PSG3: variants seen among roughly 807,000 people sequenced by gnomAD.
PSG3 encodes the protein pregnancy specific beta-1-glycoprotein 3.
PSG3 carries 61 observed loss-of-function variants against 47.5 expected under a neutral mutation model. That is an observed-to-expected ratio of 1.28 (90% CI 1.05 to 1.59). The LOEUF is 1.59. PSG3 is among the 40% of genes most tolerant of loss of function. The pLI is 0.00. For missense variants in PSG3, 756 were observed against 524.0 expected (o/e 1.44, Z -4.32); for synonymous variants, 263 against 198.4 (o/e 1.33, Z -2.74).
chr19:42,733,478 C>T (rs1969510927), intron 2 of PSG3: 1 of 206,728 alleles, frequency 4.8e-6, no homozygotes. Context: ...TGCAGCTTCC[C>T]TTGCCAAGGA....
At chr19:42,725,869 T>TCTC (rs1352426895) in intron 5 of PSG3, among the ~76,000 whole-genome samples, 7 of 122,290 alleles carry the variant, frequency 5.7e-5, no homozygotes, top group Admixed American at 5.5e-4. Flanking sequence ...AGCCTGTCTC[T>TCTC]CTCTCTTCAA....
intron 5 of PSG3, 110 bp from the exon 6 acceptor site, chr19:42,724,135 A>C: frequency 6.9e-7 from 1 of 1,446,730 alleles, no homozygotes; most frequent in South Asian, 1.3e-5. Flanking sequence ...TTCTTCAAGG[A>C]CTACGTTATT....
intron 6 of PSG3, among the ~76,000 whole-genome samples, 154 bp from the exon 7 acceptor site, chr19:42,722,244 T>C (rs1969310163): frequency 6.6e-6 from 1 of 152,214 alleles, no homozygotes; most frequent in Non-Finnish European, 1.5e-5. Flanking sequence ...ATTTTTAGAA[T>C]ACTCATTAAA....
intron 1 of PSG3, 51 bp downstream of exon 1, chr19:42,740,270 C>A (rs368890947): frequency 6.2e-6 from 10 of 1,613,584 alleles, no homozygotes; most frequent in African/African-American, 4.0e-5. Flanking sequence ...AGACCCCATC[C>A]AGTCACTCTG....
chr19:42,724,343 C>T (rs1600377957), intron 5 of PSG3, among the ~76,000 whole-genome samples: 2 of 152,158 alleles, frequency 1.3e-5, no homozygotes, highest in East Asian at 3.9e-4. Context: ...TTCATGGTTG[C>T]ATCTTTTTCT....
intron 3 of PSG3, among the ~76,000 whole-genome samples, chr19:42,730,573 A>G (rs1969457291): frequency 1.3e-5 from 2 of 152,242 alleles, no homozygotes; most frequent in Non-Finnish European, 2.9e-5. Flanking sequence ...ATGTTTCAGC[A>G]GAAATAACAC....
chr19:42,728,806 CA>C (rs1215296128), intron 5 of PSG3, among the ~76,000 whole-genome samples: 1 of 152,114 alleles, frequency 6.6e-6, no homozygotes, highest in Non-Finnish European at 1.5e-5. Flanking sequence ...GTGTTGGTGA[CA>C]GCAAGAAGCA....
In PSG3 at chr19:42,740,325, G is replaced by C; in HGVS notation, c.60C>G (p.Leu20=). ...TQRITWKGLL[L]TALLLNFWNL... ...CCCAGGAAGTTCTCTCCTCACCTGT[G>C]AGCAGGAGCCCCTTCCAGGTGATGC... Residue 20 remains leucine (L), a synonymous_variant, in exon 1 of 7, where the codon CTC becomes CTG. Coordinates refer to ENST00000327495, the MANE Select transcript of PSG3 (RefSeq NM_021016.4). The C allele has an allele frequency of 6.2e-7, 1 of 1,613,904 alleles. No homozygotes were observed. Among genetic ancestry groups the C allele is most frequent in the South Asian group, 1.1e-5 (1 of 91,066 alleles).
intron 1 of PSG3, chr19:42,739,483 C>G (rs544906636): frequency 4.9e-6 from 1 of 205,664 alleles, no homozygotes; most frequent in East Asian, 1.1e-4. Context: ...TGCTCTGCTC[C>G]CTCCAGGGTT....
chr19:42,732,748 G>A, intron 3 of PSG3, 36 bp downstream of exon 3: 2 of 1,614,162 alleles, frequency 1.2e-6, no homozygotes. Context: ...TATTTGGGAT[G>A]GCAGACTGGC....
Position 42,740,444 on chromosome 19 carries a change from T to A in PSG3, c.-60A>T. The A allele has an allele frequency of 1.2e-6, 2 of 1,613,570 alleles. No individual in the cohort carries two copies. Among genetic ancestry groups the A allele is most frequent in the Admixed American group, 1.7e-5 (1 of 59,986 alleles). ...CTGAGCCTAGGATCCAGAAACTTCC[T>A]GAGCATGGCTCTCAGCTGTGCTGTC... On this transcript the variant is annotated 5_prime_UTR_variant, in exon 1 of 7. Transcript: ENST00000327495.
At chr19:42,730,732 A>G (rs1272097498) in intron 3 of PSG3, among the ~76,000 whole-genome samples, 3 of 152,240 alleles carry the variant, frequency 2.0e-5, no homozygotes, top group East Asian at 3.9e-4. Flanking sequence ...TGATCTAGAA[A>G]GAGTGAAGGT....
Position 42,739,011 on chromosome 19 carries a change from C to T in PSG3, c.143G>A (p.Gly48Glu), listed in dbSNP as rs1207553313. The T allele has an allele frequency of 6.2e-6, 10 of 1,613,782 alleles. No homozygotes were observed. The highest frequency in any genetic ancestry group is 1.1e-5 in the South Asian group (1 of 91,066). ...GTGGACAAGTAGAAGAACGTCCTTC[C>T]CCTTGGAAACTTTGGTTGGCTCGGC... ...IEAEPTKVSK[G>E]KDVLLLVHNL... is the part of the protein sequence containing the mutation. Residue 48 changes from glycine to glutamate, a missense_variant, in exon 2 of 7, where the codon GGG becomes GAG. Gly to Glu is a moderately conservative substitution (Grantham distance 98, BLOSUM62 -2). Transcript: ENST00000327495.
rs745475547 is a variant in PSG3, at chr19:42,738,931, G to A, written c.223C>T (p.Leu75Phe). The change falls in exon 2 of 7, where the codon CTC (leucine) becomes TTC (phenylalanine). Residue 75 changes from leucine (L) to phenylalanine (F), a missense_variant. Physicochemically the swap from Leu to Phe is conservative, Grantham distance 22. Transcript: ENST00000327495. ...ACGTATGATGTAATGTAATGGTAGA[G>A]GTCCTTCATTTGCCCTTTGTACCAG... The part of the protein sequence containing the change: ...YIWYKGQMKD[L>F]YHYITSYVVD... 2.8e-5 allele frequency: 45 copies of A among 1,613,898 alleles called. No individual in the cohort carries two copies. The highest frequency in any genetic ancestry group is 1.2e-4 in the African/African-American group (9 of 74,868).
Position 42,724,034 on chromosome 19 carries a change from G to GAA in PSG3, c.1244-11_1244-10dup. The GAA allele has an allele frequency of 6.2e-7, 1 of 1,605,800 alleles. No homozygotes were observed. Among genetic ancestry groups the GAA allele is most frequent in the South Asian group, 1.1e-5 (1 of 90,750 alleles). On this transcript the variant is annotated splice_polypyrimidine_tract_variant and intron_variant, in intron 5 of 6. Coordinates refer to ENST00000327495, the MANE Select transcript of PSG3 (RefSeq NM_021016.4). The stretch of plus-strand genomic sequence containing the variant: ...TCCTGTTCCTGAAGGAGCTGTCATG[G>GAA]AAAAAAAAGAAAAGAAGGAATGAAG...
intron 2 of PSG3, among the ~76,000 whole-genome samples, chr19:42,738,106 A>C (rs1416447803): frequency 6.6e-6 from 1 of 152,208 alleles, no homozygotes; most frequent in African/African-American, 2.4e-5. Flanking sequence ...TGGCCTACAA[A>C]GCTTGTCTTT....
intron 5 of PSG3, among the ~76,000 whole-genome samples, chr19:42,726,165 T>G (rs536736425): frequency 2.5e-3 from 376 of 152,256 alleles, no homozygotes; most frequent in Non-Finnish European, 3.5e-3. Flanking sequence ...AGGCAATATG[T>G]GAAAAACCCA....
intron 1 of PSG3, chr19:42,739,313 C>T: frequency 1.3e-6 from 1 of 788,064 alleles, no homozygotes; most frequent in Non-Finnish European, 1.9e-6. Context: ...TCCTTCAACA[C>T]TTCTGACCTT....
At chr19:42,731,004 T>G (rs1353758064) in intron 3 of PSG3, among the ~76,000 whole-genome samples, 1 of 152,238 alleles carries the variant, frequency 6.6e-6, no homozygotes, top group African/African-American at 2.4e-5. Flanking sequence ...TCATTGGACA[T>G]TCTACTCAAT....
Sources: allele counts gnomAD v4.1 joint callset (sites outside exome capture counted in the v4.1 genomes callset), GRCh38; gene constraint gnomAD v4.1.1; transcripts MANE v1.5; gene names NCBI Gene and HGNC (gene_info 2026-07-23, HGNC 2026-07-21).